Variants in GPC5 observed in about 807,000 individuals in gnomAD.
The protein encoded by GPC5 is glypican-5.
Under a neutral mutation model 53.9 loss-of-function variants are expected in GPC5, and 47 were observed. The ratio of observed to expected loss-of-function variants is 0.87; its 90% CI spans 0.69 to 1.11. GPC5 has a LOEUF of 1.11. Ranked by LOEUF, GPC5 falls within the 50% of genes most tolerant of loss-of-function variation. The pLI, the probability that GPC5 is intolerant of heterozygous loss-of-function variation, is 0.00. For synonymous variants in GPC5, 286 were observed against 263.3 expected (o/e 1.09, Z -0.84); for missense variants, 748 against 713.1 (o/e 1.05, Z -0.56).
chr13:92,359,068 T>C (rs554210143), intron 7 of GPC5, among the ~76,000 whole-genome samples: 2 of 151,984 alleles, frequency 1.3e-5, no homozygotes, highest in East Asian at 1.9e-4. Flanking sequence ...CTTTTAAATA[T>C]AAGTTTCAGT....
At chr13:92,743,776 T>C (rs1031428183) in intron 7 of GPC5, among the ~76,000 whole-genome samples, 4 of 152,182 alleles carry the variant, frequency 2.6e-5, no homozygotes, top group Admixed American at 2.0e-4. Flanking sequence ...ACCTAATTTA[T>C]TGAGAGTTTT....
chr13:92,459,419 T>C (rs1027130969), intron 7 of GPC5, among the ~76,000 whole-genome samples: 2 of 152,238 alleles, frequency 1.3e-5, no homozygotes, highest in African/African-American at 4.8e-5. Context: ...TCTCTTGTAG[T>C]CCATCTGTTC....
chr13:91,572,412 G>T (rs969636528), intron 2 of GPC5, among the ~76,000 whole-genome samples: 2 of 151,968 alleles, frequency 1.3e-5, no homozygotes, highest in Non-Finnish European at 2.9e-5. Flanking sequence ...AAGAAAAAAG[G>T]TTTATTTGCT....
intron 7 of GPC5, among the ~76,000 whole-genome samples, chr13:92,549,922 A>G (rs549260628): frequency 8.4e-4 from 92 of 109,270 alleles, no homozygotes; most frequent in South Asian, 4.0e-3. Flanking sequence ...CACACACACA[A>G]TTCTTTTTTG....
At chr13:92,265,160 C>G (rs1366400686) in intron 7 of GPC5, among the ~76,000 whole-genome samples, 1 of 152,066 alleles carries the variant, frequency 6.6e-6, no homozygotes, top group Non-Finnish European at 1.5e-5. Context: ...CAAACAGATG[C>G]TTGGCCATAC....
intron 7 of GPC5, among the ~76,000 whole-genome samples, chr13:92,233,380 T>C (rs1405228861): frequency 6.6e-6 from 1 of 152,212 alleles, no homozygotes; most frequent in Non-Finnish European, 1.5e-5. Context: ...GACTTAACAA[T>C]GCAAACACTA....
At chr13:92,745,787 A>AG (rs1880538868) in intron 7 of GPC5, among the ~76,000 whole-genome samples, 1 of 152,094 alleles carries the variant, frequency 6.6e-6, no homozygotes, top group Non-Finnish European at 1.5e-5. Flanking sequence ...AAACTAATAA[A>AG]TTTTCAAAAT....
chr13:91,755,744 T>C (rs1254727329), intron 4 of GPC5, among the ~76,000 whole-genome samples: 6 of 152,078 alleles, frequency 3.9e-5, no homozygotes, highest in Non-Finnish European at 7.4e-5. Flanking sequence ...GGGTTTTGGG[T>C]CATATTTAGT....
chr13:91,900,527 T>C (rs1382863985), intron 5 of GPC5, among the ~76,000 whole-genome samples: 1 of 152,156 alleles, frequency 6.6e-6, no homozygotes, highest in African/African-American at 2.4e-5. Context: ...TAGTTATAAT[T>C]GATCATTTCA....
At chr13:91,741,122 AT>A (rs1312430461) in intron 4 of GPC5, among the ~76,000 whole-genome samples, 1 of 152,026 alleles carries the variant, frequency 6.6e-6, no homozygotes, top group Non-Finnish European at 1.5e-5. Context: ...AAAATAAGAT[AT>A]TTTTACTATC....
intron 2 of GPC5, among the ~76,000 whole-genome samples, chr13:91,579,215 G>A (rs17322508): frequency 0.074 from 11,306 of 152,170 alleles, 514 homozygotes; most frequent in Middle Eastern, 0.13. Flanking sequence ...GGTTTCCCTC[G>A]GAGGTCAGGG....
chr13:91,766,779 G>T (rs935456188), intron 5 of GPC5, among the ~76,000 whole-genome samples: 2 of 152,154 alleles, frequency 1.3e-5, no homozygotes, highest in Non-Finnish European at 2.9e-5. Context: ...AAAATTGCTT[G>T]AACCCGGGAG....
intron 7 of GPC5, among the ~76,000 whole-genome samples, chr13:92,239,463 T>C (rs1019718956): frequency 5.9e-5 from 9 of 152,012 alleles, no homozygotes; most frequent in African/African-American, 1.4e-4. Flanking sequence ...TATTAAACCA[T>C]CCATAGTGTT....
chr13:92,152,366 G>C (rs1003465493), intron 7 of GPC5, among the ~76,000 whole-genome samples: 1 of 152,110 alleles, frequency 6.6e-6, no homozygotes, highest in African/African-American at 2.4e-5. Flanking sequence ...ATAAAAGCAG[G>C]ACTCTTCAAG....
At chr13:91,477,163 T>G (rs1206759950) in intron 2 of GPC5, among the ~76,000 whole-genome samples, 1 of 152,202 alleles carries the variant, frequency 6.6e-6, no homozygotes, top group Non-Finnish European at 1.5e-5. Context: ...GCAGTTTATA[T>G]ATATATATCT....
chr13:92,510,814 A>T (rs76462738), intron 7 of GPC5, among the ~76,000 whole-genome samples: 1 of 152,220 alleles, frequency 6.6e-6, no homozygotes, highest in Non-Finnish European at 1.5e-5. Flanking sequence ...AAGGGTGATT[A>T]GATTGATAGC....
At chr13:91,853,491 A>G (rs989947338) in intron 5 of GPC5, among the ~76,000 whole-genome samples, 2 of 151,980 alleles carry the variant, frequency 1.3e-5, no homozygotes, top group Non-Finnish European at 2.9e-5. Context: ...TACAGCATGG[A>G]GAGATTTACA....
chr13:92,306,592 A>C (rs531102305), intron 7 of GPC5, among the ~76,000 whole-genome samples: 1 of 152,310 alleles, frequency 6.6e-6, no homozygotes, highest in East Asian at 1.9e-4. Context: ...TCTTGATCTA[A>C]GCTTGAAAGC....
At chr13:92,448,416 T>C (rs1231911130) in intron 7 of GPC5, 1 of 152,114 alleles carries the variant, frequency 6.6e-6, no homozygotes, top group Non-Finnish European at 1.5e-5. Context: ...TTCAACTTGG[T>C]TTAAAAATTA....
Sources: gnomAD v4.1 joint callset for allele counts (sites outside exome capture counted in the v4.1 genomes callset) on GRCh38, gnomAD v4.1.1 for gene constraint, MANE v1.5 for transcripts, NCBI Gene and HGNC (gene_info 2026-07-23, HGNC 2026-07-21) for gene names.